VTI1A: variants seen among roughly 807,000 people sequenced by gnomAD.
VTI1A encodes the protein vesicle transport through interaction with t-SNAREs homolog 1A.
Under a neutral mutation model 34.9 loss-of-function variants are expected in VTI1A, and 22 were observed. That is an observed-to-expected ratio of 0.63 (90% CI 0.45 to 0.90). VTI1A has a LOEUF of 0.90. VTI1A is among the 40% of genes least tolerant of loss of function. The probability of loss-of-function intolerance (pLI) is 0.00; values close to 1 mark genes in which losing one functional copy is unlikely to be tolerated. For synonymous variants in VTI1A, 87 were observed against 97.3 expected, an observed-to-expected ratio of 0.89 and a Z score of 0.62; for missense variants, 268 against 275.6, an observed-to-expected ratio of 0.97 and a Z score of 0.20.
At chr10:112,688,014 C>T (rs1040675920) in intron 7 of VTI1A, among the ~76,000 whole-genome samples, 2 of 144,836 alleles carry the variant, frequency 1.4e-5, no homozygotes, top group Admixed American at 7.1e-5. Context: ...ATTGCAGTGG[C>T]GCGATCTCAG....
intron 7 of VTI1A, among the ~76,000 whole-genome samples, chr10:112,756,082 G>GGA (rs1851273560): frequency 6.6e-6 from 1 of 152,162 alleles, no homozygotes; most frequent in East Asian, 1.9e-4. Flanking sequence ...AGGGAGGGGA[G>GGA]GAGAGGGAGA....
At chr10:112,568,280 G>A (rs1352335665) in intron 5 of VTI1A, among the ~76,000 whole-genome samples, 1 of 152,148 alleles carries the variant, frequency 6.6e-6, no homozygotes, top group African/African-American at 2.4e-5. Flanking sequence ...GCCGAGGTGG[G>A]CAGATCATCT....
intron 5 of VTI1A, among the ~76,000 whole-genome samples, chr10:112,591,479 C>A (rs796224808): frequency 6.6e-6 from 1 of 151,974 alleles, no homozygotes; most frequent in Non-Finnish European, 1.5e-5. Flanking sequence ...GAGATCGCAC[C>A]ACTGCACTCC....
intron 7 of VTI1A, among the ~76,000 whole-genome samples, chr10:112,694,490 TTTAG>T (rs1848715548): frequency 1.3e-5 from 2 of 152,062 alleles, no homozygotes; most frequent in South Asian, 2.1e-4. Flanking sequence ...CTTTCTGCAT[TTTAG>T]TTAAAGATCT....
the VTI1A span, among the ~76,000 whole-genome samples, chr10:112,839,782 T>A: frequency 6.6e-6 from 1 of 152,142 alleles, no homozygotes; most frequent in African/African-American, 2.4e-5. Flanking sequence ...GCAGGGCCAC[T>A]TCCCTCTCAG....
At chr10:112,567,164 G>T (rs1851934118) in intron 5 of VTI1A, among the ~76,000 whole-genome samples, 3 of 151,966 alleles carry the variant, frequency 2.0e-5, no homozygotes, top group Non-Finnish European at 4.4e-5. Flanking sequence ...CAAGTAGCTG[G>T]AACTACAAGC....
chr10:112,698,366 C>T (rs1848870055), intron 7 of VTI1A, among the ~76,000 whole-genome samples: 1 of 152,170 alleles, frequency 6.6e-6, no homozygotes, highest in Non-Finnish European at 1.5e-5. Context: ...TCACTGTTGC[C>T]TCCCTACATA....
At chr10:112,705,177 C>A (rs1230869235) in intron 7 of VTI1A, among the ~76,000 whole-genome samples, 1 of 151,968 alleles carries the variant, frequency 6.6e-6, no homozygotes. Context: ...TACCTGATTA[C>A]AGTCATAAGC....
At chr10:112,585,708 G>A (rs115700070) in intron 5 of VTI1A, among the ~76,000 whole-genome samples, 5,933 of 134,338 alleles carry the variant, frequency 0.044, 147 homozygotes, top group African/African-American at 0.055. Context: ...CACCCTCGCC[G>A]CCTCTTTGCA....
Position 112,458,391 on chromosome 10 carries a change from A to G in VTI1A, c.95-2133A>G, listed in dbSNP as rs560515597. 2.6e-5 allele frequency among the ~76,000 whole-genome samples: 4 copies of G among 152,330 alleles called. No individual in the cohort carries two copies. The East Asian group carries it at 7.7e-4, about 29-fold the overall frequency. On this transcript the variant is annotated intron_variant, in intron 1 of 7. Transcript: ENST00000393077. Reference sequence around the variant, plus strand: ...AAAAGGGTTGAAATGTCCCAGAAGCAAATACATTTGGGATCATCTATTAAA... The same window carrying G: ...AAAAGGGTTGAAATGTCCCAGAAGCGAATACATTTGGGATCATCTATTAAA...
intron 5 of VTI1A, among the ~76,000 whole-genome samples, chr10:112,567,605 T>C (rs1851952855): frequency 6.6e-6 from 1 of 152,204 alleles, no homozygotes; most frequent in South Asian, 2.1e-4. Context: ...TGTCAAAGCA[T>C]CAGAGGTATG....
At chr10:112,700,479 T>C (rs979518625) in intron 7 of VTI1A, among the ~76,000 whole-genome samples, 1 of 152,236 alleles carries the variant, frequency 6.6e-6, no homozygotes, top group Non-Finnish European at 1.5e-5. Flanking sequence ...TCTTTCTTGA[T>C]CTTCACAACA....
At chr10:112,626,813 CT>C (rs929942621) in intron 5 of VTI1A, among the ~76,000 whole-genome samples, 3 of 152,128 alleles carry the variant, frequency 2.0e-5, no homozygotes, top group African/African-American at 7.2e-5. Context: ...TGGGTAAAGG[CT>C]TAATCTAATA....
the VTI1A span, among the ~76,000 whole-genome samples, chr10:112,848,545 T>C: frequency 6.6e-6 from 1 of 152,322 alleles, no homozygotes; most frequent in East Asian, 1.9e-4. Context: ...AGTGATCATA[T>C]TTAATATCAC....
At chr10:112,828,467 G>A in the VTI1A span, among the ~76,000 whole-genome samples, 1 of 151,892 alleles carries the variant, frequency 6.6e-6, no homozygotes, top group Admixed American at 6.6e-5. Context: ...GTGCAGAGGC[G>A]CGATCTCAGC....
chr10:112,500,057 G>C (rs1213545188), intron 3 of VTI1A, among the ~76,000 whole-genome samples: 5 of 152,154 alleles, frequency 3.3e-5, no homozygotes, highest in African/African-American at 1.2e-4. Flanking sequence ...AGTACCTATA[G>C]GAGTTCATAA....
At chr10:112,722,411 A>G (rs1849845047) in intron 7 of VTI1A, among the ~76,000 whole-genome samples, 2 of 152,270 alleles carry the variant, frequency 1.3e-5, no homozygotes, top group African/African-American at 2.4e-5. Context: ...CCTAATGTAA[A>G]TGACGAGTTA....
the VTI1A span, among the ~76,000 whole-genome samples, chr10:112,834,824 A>G: frequency 2.0e-5 from 3 of 152,194 alleles, no homozygotes; most frequent in African/African-American, 2.4e-5. Context: ...TTGTTGGACT[A>G]AAATAGCAAA....
intron 7 of VTI1A, among the ~76,000 whole-genome samples, chr10:112,687,275 C>G (rs1377876892): frequency 7.5e-6 from 1 of 133,052 alleles, no homozygotes; most frequent in African/African-American, 3.0e-5. Context: ...GCTCTGTCTC[C>G]CAGGCCGGAG....
Sources: allele counts gnomAD v4.1 joint callset (sites outside exome capture counted in the v4.1 genomes callset), GRCh38; gene constraint gnomAD v4.1.1; transcripts MANE v1.5; gene names NCBI Gene and HGNC (gene_info 2026-07-23, HGNC 2026-07-21).